The following CAMTA1 variants were observed in gnomAD, a reference collection of about 807,000 sequenced individuals.
CAMTA1 encodes calmodulin-binding transcription activator 1.
In CAMTA1, 27 loss-of-function variants were observed where a neutral mutation model predicts 170.9. That is an observed-to-expected ratio of 0.16 (90% CI 0.12 to 0.22). The LOEUF is 0.22. CAMTA1 is among the 10% of genes least tolerant of loss of function. The pLI is 1.00. For synonymous variants in CAMTA1, 833 were observed against 891.5 expected (o/e 0.93, Z 1.17); for missense variants, 1,619 against 2,217.2 (o/e 0.73, Z 5.42).
intron 6 of CAMTA1, among the ~76,000 whole-genome samples, chr1:7,571,598 C>G (rs1424146831): frequency 6.6e-6 from 1 of 152,176 alleles, no homozygotes; most frequent in East Asian, 1.9e-4. Context: ...AGTTGGTTTT[C>G]TGTTCCTGTG....
At chr1:6,969,428 A>T (rs1489255799) in intron 3 of CAMTA1, among the ~76,000 whole-genome samples, 1 of 152,150 alleles carries the variant, frequency 6.6e-6, no homozygotes, top group Non-Finnish European at 1.5e-5. Context: ...CAGCCGTTGG[A>T]CTGCCGCTTG....
rs1032635627 is a variant in CAMTA1, at chr1:7,010,585, C to T, written c.235-80719C>T. On this transcript the variant is annotated intron_variant, in intron 3 of 22. Transcript: ENST00000303635. This position sits in a 1 kb window ranked among gnomAD's most constrained non-coding sequence, Gnocchi z 4.4. The stretch of plus-strand genomic sequence containing the variant: ...ACTACTGACCAGCTGGGTGACGTTT[C>T]ATTATCCATAACATAGAGAAGATAC... Among the ~76,000 whole-genome samples, 1 of 152,186 alleles carries T rather than the reference C, an allele frequency of 6.6e-6. No individual in the cohort carries two copies.
At chr1:7,418,461 A>C (rs111336431) in intron 5 of CAMTA1, among the ~76,000 whole-genome samples, 11,045 of 152,186 alleles carry the variant, frequency 0.073, 1,057 homozygotes, top group African/African-American at 0.22. Flanking sequence ...GGCCTCCCAA[A>C]GTGCTTGGAT....
At chr1:7,573,950 T>G (rs1339014305) in intron 6 of CAMTA1, among the ~76,000 whole-genome samples, 1 of 151,940 alleles carries the variant, frequency 6.6e-6, no homozygotes, top group Non-Finnish European at 1.5e-5. Context: ...ATTTTTGTAT[T>G]TTTAGTAGAG....
At chr1:7,290,078 C>A (rs1462209334) in intron 5 of CAMTA1, among the ~76,000 whole-genome samples, 1 of 152,166 alleles carries the variant, frequency 6.6e-6, no homozygotes, top group African/African-American at 2.4e-5. Flanking sequence ...GTTATGGAAG[C>A]CCTGAGAGAC....
At chr1:7,460,254 C>T (rs972472083) in intron 5 of CAMTA1, among the ~76,000 whole-genome samples, 2 of 152,246 alleles carry the variant, frequency 1.3e-5, no homozygotes, top group Non-Finnish European at 2.9e-5. Flanking sequence ...TCCCTCTCAC[C>T]TTTTTTGGCT....
intron 5 of CAMTA1, among the ~76,000 whole-genome samples, chr1:7,446,424 G>C (rs1289837648): frequency 6.6e-6 from 1 of 152,206 alleles, no homozygotes; most frequent in Non-Finnish European, 1.5e-5. Flanking sequence ...GGCTCAGGAA[G>C]GGTGATACTC....
chr1:7,513,584 G>A (rs2094233918), intron 6 of CAMTA1, among the ~76,000 whole-genome samples: 1 of 152,126 alleles, frequency 6.6e-6, no homozygotes, highest in Admixed American at 6.5e-5. Flanking sequence ...CTGCCTTCAT[G>A]TTCACATGAT....
intron 7 of CAMTA1, among the ~76,000 whole-genome samples, chr1:7,646,863 G>A (rs1233030508): frequency 1.4e-4 from 22 of 152,186 alleles, no homozygotes; most frequent in Admixed American, 1.4e-3. Flanking sequence ...TGCTGTCATG[G>A]CCCCCACAGT....
At chr1:6,869,458 A>G (rs1038372198) in intron 3 of CAMTA1, among the ~76,000 whole-genome samples, 1 of 152,108 alleles carries the variant, frequency 6.6e-6, no homozygotes, top group Non-Finnish European at 1.5e-5. Flanking sequence ...AACAGACCGG[A>G]CTCAGAATCA....
intron 22 of CAMTA1, among the ~76,000 whole-genome samples, chr1:7,761,076 C>A (rs1350280680): frequency 6.6e-6 from 1 of 152,208 alleles, no homozygotes; most frequent in Non-Finnish European, 1.5e-5. Context: ...CACTTCAGTA[C>A]ATTACGATGC....
At chr1:7,496,907 G>A (rs961445314) in intron 6 of CAMTA1, among the ~76,000 whole-genome samples, 5 of 149,674 alleles carry the variant, frequency 3.3e-5, no homozygotes, top group African/African-American at 1.2e-4. Flanking sequence ...CACAGCCCAA[G>A]AGCCTCCATC....
chr1:6,930,420 T>C (rs1391123918), intron 3 of CAMTA1, among the ~76,000 whole-genome samples: 1 of 152,192 alleles, frequency 6.6e-6, no homozygotes, highest in African/African-American at 2.4e-5. Flanking sequence ...TGTCTTTCTG[T>C]AACTGATTCT....
chr1:7,709,823 A>G (rs2096555595), intron 11 of CAMTA1, among the ~76,000 whole-genome samples: 1 of 152,258 alleles, frequency 6.6e-6, no homozygotes, highest in South Asian at 2.1e-4. Context: ...TCAGAAAAGC[A>G]TGGTCACCAT....
intron 4 of CAMTA1, among the ~76,000 whole-genome samples, chr1:7,164,056 A>G (rs1647841850): frequency 6.6e-6 from 1 of 152,242 alleles, no homozygotes; most frequent in Non-Finnish European, 1.5e-5. Flanking sequence ...CCCAGATGCC[A>G]TCACAATGCC....
chr1:7,646,771 G>C lies in CAMTA1; in HGVS notation c.664+6218G>C, dbSNP rs546562425. ...TGGTGAGTGGGGTGGAGGCCACAGT[G>C]AGTTGGAATGGAGGCCCTAGTGAGT... On this transcript the variant is annotated intron_variant, in intron 7 of 22. Transcript: ENST00000303635. 6.5e-4 allele frequency among the ~76,000 whole-genome samples: 97 copies of C among 149,958 alleles called. 1 individual carries two copies. The highest frequency in any genetic ancestry group is 2.2e-3 in the African/African-American group (91 of 40,734).
Position 7,474,640 on chromosome 1 carries a change from C to T in CAMTA1, c.510+6739C>T, listed in dbSNP as rs149406617. Reference sequence around the variant, plus strand: ...GGCGTTGAGCTAGGCTGAGCCAGCCCCTCCCAAAGCCTGAGCCAGGCAGGA... The same window carrying T: ...GGCGTTGAGCTAGGCTGAGCCAGCCTCTCCCAAAGCCTGAGCCAGGCAGGA... On this transcript the variant is annotated intron_variant, in intron 6 of 22. Transcript: ENST00000303635. Among the ~76,000 whole-genome samples, 106 of 152,354 alleles carry T rather than the reference C, an allele frequency of 7.0e-4. 1 individual carries two copies. The highest frequency in any genetic ancestry group is 2.2e-3 in the African/African-American group (91 of 41,582).
At chr1:6,861,532 A>G (rs981609851) in intron 3 of CAMTA1, among the ~76,000 whole-genome samples, 1 of 152,198 alleles carries the variant, frequency 6.6e-6, no homozygotes, top group African/African-American at 2.4e-5. Context: ...ACCACTGGTC[A>G]GGGGTTAGCG....
rs1042509678 is a variant in CAMTA1, at chr1:7,633,406, C to T, written c.511-6994C>T. On this transcript the variant is annotated intron_variant, in intron 6 of 22. Transcript: ENST00000303635. This position sits in a 1 kb window ranked among gnomAD's most constrained non-coding sequence, Gnocchi z 4.1. Reference sequence around the variant, plus strand: ...AGAGGGGCAGAGAGCTCGTGGACCCCCCCAGATGCCACCCCTCCTGGGCCC... The same window carrying T: ...AGAGGGGCAGAGAGCTCGTGGACCCTCCCAGATGCCACCCCTCCTGGGCCC... Among the ~76,000 whole-genome samples the T allele has an allele frequency of 6.6e-6, 1 of 152,248 alleles. No homozygotes were observed. The highest frequency in any genetic ancestry group is 6.5e-5 in the Admixed American group (1 of 15,306).
Sources: allele counts gnomAD v4.1 joint callset (sites outside exome capture counted in the v4.1 genomes callset), GRCh38; gene constraint gnomAD v4.1.1; non-coding constraint Gnocchi (gnomAD v3.1); transcripts MANE v1.5; gene names NCBI Gene and HGNC (gene_info 2026-07-23, HGNC 2026-07-21).